GABRG2: variants seen among roughly 807,000 people sequenced by gnomAD.
The protein encoded by GABRG2 is gamma-aminobutyric acid receptor subunit gamma-2.
GABRG2 carries 16 observed loss-of-function variants against 56.4 expected under a neutral mutation model. That is an observed-to-expected ratio of 0.28 (90% CI 0.19 to 0.43). GABRG2 has a LOEUF of 0.43. Ranked by LOEUF, GABRG2 falls within the 20% of genes least tolerant of loss-of-function variation. GABRG2 has a pLI of 1.00. For synonymous variants in GABRG2, 208 were observed against 205.5 expected, an observed-to-expected ratio of 1.01 and a Z score of -0.10; for missense variants, 327 against 582.7, an observed-to-expected ratio of 0.56 and a Z score of 4.52.
intron 6 of GABRG2, among the ~76,000 whole-genome samples, chr5:162,117,554 T>C (rs1762704686): frequency 6.6e-6 from 1 of 152,164 alleles, no homozygotes; most frequent in Admixed American, 6.6e-5. Flanking sequence ...ATCTTAACAA[T>C]TGAGCTACGA....
chr5:162,105,268 C>G (rs2113378441), intron 6 of GABRG2, among the ~76,000 whole-genome samples: 1 of 152,116 alleles, frequency 6.6e-6, no homozygotes. Flanking sequence ...AATTATCTGG[C>G]TGTAACATTG....
intron 6 of GABRG2, among the ~76,000 whole-genome samples, chr5:162,139,038 C>A (rs1764353738): frequency 6.6e-6 from 1 of 151,802 alleles, no homozygotes; most frequent in Admixed American, 6.6e-5. Context: ...CATTGATAGT[C>A]TTTTCCTAAA....
intron 7 of GABRG2, among the ~76,000 whole-genome samples, chr5:162,146,852 T>C (rs1003958407): frequency 1.3e-5 from 2 of 152,330 alleles, no homozygotes; most frequent in African/African-American, 4.8e-5. Context: ...GTCTTTCCAC[T>C]GTCTGAAATT....
At chr5:162,126,833 A>T (rs1214212192) in intron 6 of GABRG2, among the ~76,000 whole-genome samples, 1 of 152,004 alleles carries the variant, frequency 6.6e-6, no homozygotes, top group African/African-American at 2.4e-5. Context: ...CTCTCATTGT[A>T]CATGCAAGGC....
chr5:162,112,728 A>T (rs530813210), intron 6 of GABRG2, among the ~76,000 whole-genome samples: 2 of 152,282 alleles, frequency 1.3e-5, no homozygotes, highest in South Asian at 4.1e-4. Flanking sequence ...TCTAGAAAAG[A>T]ATTTGCTGGG....
intron 6 of GABRG2, among the ~76,000 whole-genome samples, chr5:162,122,510 C>G (rs1042675676): frequency 6.6e-6 from 1 of 151,786 alleles, no homozygotes; most frequent in Non-Finnish European, 1.5e-5. Flanking sequence ...GTTCGTTACA[C>G]ATATTATTGA....
Position 162,103,911 on chromosome 5 carries a change from TG to T in GABRG2, c.655del (p.Val219PhefsTer27). 1.2e-6 allele frequency: 2 copies of T among 1,614,010 alleles called. No homozygotes were observed. Among genetic ancestry groups the T allele is most frequent in the Non-Finnish European group, 1.7e-6 (2 of 1,179,948 alleles). On this transcript the variant is annotated frameshift_variant, in exon 6 of 10. Transcript: ENST00000639213. LOFTEE classifies it high-confidence loss of function. Reference protein sequence around the residue: ...SSYGYPREEIVYQWKRSSVEV... With the variant: ...SSYGYPREEIXYQWKRSSVEV... ...CAGATGGCTATCCACGTGAAGAAAT[TG>T]TTTATCAATGGAAGCGAAGTTCTGT...
chr5:162,133,485 T>G (rs1479724606), intron 6 of GABRG2, among the ~76,000 whole-genome samples: 1 of 152,168 alleles, frequency 6.6e-6, no homozygotes, highest in Non-Finnish European at 1.5e-5. Context: ...GTTAGATGTT[T>G]GCAGGAGTTA....
chr5:162,149,105 C>T lies in GABRG2; in HGVS notation c.923-3C>T, dbSNP rs1476436110. On this transcript the variant is annotated splice_region_variant and splice_polypyrimidine_tract_variant and intron_variant, in intron 7 of 9. Transcript: ENST00000639213. Reference sequence around the variant, plus strand: ...TGACCTGTATTATTACACCTCTCTTCAGGTATCACCACTGTCCTGACAATG... The same window carrying T: ...TGACCTGTATTATTACACCTCTCTTTAGGTATCACCACTGTCCTGACAATG... The T allele has an allele frequency of 6.2e-7, 1 of 1,613,540 alleles. No homozygotes were observed. The highest frequency in any genetic ancestry group is 2.2e-5 in the East Asian group (1 of 44,866).
chr5:162,149,709 G>A, intron 8 of GABRG2: 1 of 494,820 alleles, frequency 2.0e-6, no homozygotes, highest in Non-Finnish European at 4.0e-6. Context: ...TGCCTCCTAG[G>A]TTCAAGCAAT....
rs3219203 is a variant in GABRG2 at position 162,067,846 on chromosome 5, C to T, written c.-154C>T. 0.063 allele frequency: 41,578 copies of T among 664,620 alleles called. 1,526 individuals are homozygous for T. The highest frequency in any genetic ancestry group is 0.071 in the Non-Finnish European group (26,385 of 373,104). 41.2% of individuals were successfully genotyped at this position (664,620 alleles called of 1,614,324 possible). ...TCTCTGCCCCCTGAATATTAATTCC[C>T]TAATCTGGTAGCAATCCATCTCCCC... On this transcript the variant is annotated 5_prime_UTR_variant, in exon 1 of 10. Transcript: ENST00000639213.
intron 1 of GABRG2, among the ~76,000 whole-genome samples, chr5:162,069,054 G>T (rs923028386): frequency 6.6e-6 from 1 of 152,078 alleles, no homozygotes; most frequent in East Asian, 1.9e-4. Context: ...GGTAAGGCTG[G>T]AGACTGGACT....
chr5:162,108,347 C>T (rs1761986028), intron 6 of GABRG2, among the ~76,000 whole-genome samples: 1 of 152,130 alleles, frequency 6.6e-6, no homozygotes, highest in South Asian at 2.1e-4. Context: ...AGGAACTTTC[C>T]AGTCTTGTTT....
At chr5:162,097,917 A>G in intron 4 of GABRG2, 59 bp downstream of exon 4, 2 of 1,442,330 alleles carry the variant, frequency 1.4e-6, no homozygotes, top group African/African-American at 1.4e-5. Flanking sequence ...AAACACAAAA[A>G]TCAACCTTAA....
chr5:162,075,011 C>G (rs370477287), intron 1 of GABRG2, among the ~76,000 whole-genome samples: 1 of 152,054 alleles, frequency 6.6e-6, no homozygotes, highest in East Asian at 1.9e-4. Context: ...TTGAACAGTT[C>G]CTTCTATTGC....
Position 162,101,224 on chromosome 5 carries a change from T to A in GABRG2, c.549-11T>A. 6.4e-7 allele frequency: 1 copy of A among 1,562,490 alleles called. No individual in the cohort carries two copies. Among genetic ancestry groups the A allele is most frequent in the Non-Finnish European group, 8.8e-7 (1 of 1,134,046 alleles). On this transcript the variant is annotated splice_polypyrimidine_tract_variant and intron_variant, in intron 4 of 9. Transcript: ENST00000639213. The stretch of plus-strand genomic sequence containing the variant: ...TAAAATCCATCTTATGTTTAATATC[T>A]TTCTACTTAGGTTGACAATTGATGC...
At chr5:162,097,976 G>A in intron 4 of GABRG2, 118 bp downstream of exon 4, 3 of 850,656 alleles carry the variant, frequency 3.5e-6, no homozygotes. Context: ...GACTGCATCA[G>A]GGTTGGCATG....
At chr5:162,117,959 C>G (rs568908691) in intron 6 of GABRG2, among the ~76,000 whole-genome samples, 1 of 152,174 alleles carries the variant, frequency 6.6e-6, no homozygotes, top group African/African-American at 2.4e-5. Context: ...CCGTGTTACG[C>G]GCTTCACTAG....
At chr5:162,069,551 C>T (rs1052530943) in intron 1 of GABRG2, among the ~76,000 whole-genome samples, 11 of 152,110 alleles carry the variant, frequency 7.2e-5, no homozygotes, top group African/African-American at 2.7e-4. Context: ...GATAAAGAGA[C>T]CCAGGCAAAA....
Sources: allele counts gnomAD v4.1 joint callset (sites outside exome capture counted in the v4.1 genomes callset), GRCh38; gene constraint gnomAD v4.1.1; transcripts MANE v1.5; gene names NCBI Gene and HGNC (gene_info 2026-07-23, HGNC 2026-07-21).